The following APBB1IP variants were observed in gnomAD, a reference collection of about 807,000 sequenced individuals.
APBB1IP encodes the protein amyloid beta precursor protein binding family B member 1 interacting protein.
A neutral mutation model predicts 64.9 loss-of-function variants in APBB1IP; 27 were observed. The observed-to-expected ratio is 0.42, with a 90% CI of 0.31 to 0.57. APBB1IP has a LOEUF of 0.57. Among genes scored for constraint, APBB1IP ranks in the 20% least tolerant of loss-of-function variants. APBB1IP has a pLI of 0.20. For synonymous variants in APBB1IP, 392 were observed against 331.0 expected (o/e 1.18, Z -2.00); for missense variants, 812 against 845.5 (o/e 0.96, Z 0.49).
intron 2 of APBB1IP, among the ~76,000 whole-genome samples, chr10:26,449,807 G>A (rs1308557434): frequency 1.3e-5 from 2 of 152,002 alleles, no homozygotes; most frequent in Non-Finnish European, 2.9e-5. Flanking sequence ...CCCATGAGTT[G>A]GAGACCAGCT....
chr10:26,438,858 G>A lies in APBB1IP; in HGVS notation c.-1+5G>A, dbSNP rs1835308410. 1 of 152,294 alleles carries A rather than the reference G, an allele frequency of 6.6e-6. No individual in the cohort carries two copies. The highest frequency in any genetic ancestry group is 1.5e-5 in the Non-Finnish European group (1 of 68,106). The allele number at this position is 152,294 out of a possible 1,614,324, so 9.4% of individuals were successfully genotyped here. On this transcript the variant is annotated splice_donor_5th_base_variant and intron_variant, in intron 2 of 14. Transcript: ENST00000376236. The stretch of plus-strand genomic sequence containing the variant: ...GCGCCCCGCAGAGCAGTCGAGGTAA[G>A]TGGCGCTCCCAGTCCCGGGAGCCCT...
At chr10:26,559,198 GA>G (rs1836934555) in intron 11 of APBB1IP, among the ~76,000 whole-genome samples, 2 of 152,182 alleles carry the variant, frequency 1.3e-5, no homozygotes, top group African/African-American at 4.8e-5. Context: ...TGGGGATAGA[GA>G]CAAGATAGAG....
intron 6 of APBB1IP, among the ~76,000 whole-genome samples, chr10:26,506,180 C>T (rs1193494293): frequency 6.6e-6 from 1 of 150,558 alleles, no homozygotes; most frequent in East Asian, 2.0e-4. Flanking sequence ...CACATGCACA[C>T]ATCCCCAGTA....
At chr10:26,562,139 G>T (rs961493423) in intron 13 of APBB1IP, 187 bp from the exon 14 acceptor site, 5 of 503,570 alleles carry the variant, frequency 9.9e-6, no homozygotes, top group African/African-American at 5.9e-5. Flanking sequence ...TTAAGGTTTT[G>T]TGTACCATGC....
intron 8 of APBB1IP, among the ~76,000 whole-genome samples, chr10:26,522,597 A>G (rs953498685): frequency 9.9e-5 from 15 of 152,218 alleles, no homozygotes; most frequent in Non-Finnish European, 2.1e-4. Context: ...TTATGTTTAC[A>G]AATTGATGGG....
At chr10:26,565,321 GA>G (rs1837028101) in intron 14 of APBB1IP, among the ~76,000 whole-genome samples, 2 of 152,154 alleles carry the variant, frequency 1.3e-5, no homozygotes, top group African/African-American at 4.8e-5. Flanking sequence ...CTCAGACCAA[GA>G]AAAAATGTAT....
At chr10:26,512,648 C>T (rs963078448) in intron 7 of APBB1IP, among the ~76,000 whole-genome samples, 5 of 152,022 alleles carry the variant, frequency 3.3e-5, no homozygotes, top group East Asian at 1.9e-4. Flanking sequence ...GCTCTATCAC[C>T]GAAGCTACAG....
At chr10:26,458,077 A>G (rs1289304368) in intron 2 of APBB1IP, among the ~76,000 whole-genome samples, 1 of 152,138 alleles carries the variant, frequency 6.6e-6, no homozygotes, top group Non-Finnish European at 1.5e-5. Flanking sequence ...GGACTTAATG[A>G]ATGATTTCTT....
At chr10:26,514,038 AT>A (rs1174567111) in intron 8 of APBB1IP, among the ~76,000 whole-genome samples, 1 of 151,982 alleles carries the variant, frequency 6.6e-6, no homozygotes, top group Admixed American at 6.6e-5. Flanking sequence ...CCAGCCAAGG[AT>A]TTTTTTTAAT....
intron 11 of APBB1IP, among the ~76,000 whole-genome samples, chr10:26,550,032 T>C (rs1260992850): frequency 6.6e-6 from 1 of 152,014 alleles, no homozygotes; most frequent in Non-Finnish European, 1.5e-5. Flanking sequence ...CTTGGTTTTT[T>C]TTTTAATCTT....
At chr10:26,522,443 AT>A in intron 8 of APBB1IP, among the ~76,000 whole-genome samples, 1 of 152,228 alleles carries the variant, frequency 6.6e-6, no homozygotes. Context: ...TTTTTTCAAC[AT>A]TTGGGACATT....
At chr10:26,501,480 A>G (rs1836099251) in intron 5 of APBB1IP, 2 of 369,504 alleles carry the variant, frequency 5.4e-6, no homozygotes, top group Admixed American at 4.1e-5. Context: ...AGAGAATAGA[A>G]GGCATTCATT....
rs375021559 is a variant in APBB1IP, at chr10:26,541,589, G to A, written c.1052G>A (p.Arg351Gln). 5.6e-6 allele frequency: 9 copies of A among 1,607,854 alleles called. No individual in the cohort carries two copies. Among genetic ancestry groups the A allele is most frequent in the South Asian group, 1.1e-5 (1 of 89,342 alleles). The stretch of plus-strand genomic sequence containing the variant: ...TTTTTCCCTGTCTTTCAGACATCTC[G>A]AGATCTGGCGTGTTTTATACAGTTT... The part of the protein sequence containing the change: ...YVPKGKTKTS[R>Q]DLACFIQFEN... The change falls in exon 11 of 15, where the codon CGA becomes CAA. Residue 351 changes from arginine (R) to glutamine (Q), a missense_variant. Around this residue, in one of 3 missense-constraint regions of APBB1IP, gnomAD observed 394 missense variants for 413.1 expected, o/e 0.95. Coordinates refer to ENST00000376236, the MANE Select transcript of APBB1IP (RefSeq NM_019043.4).
chr10:26,567,573 T>C lies in APBB1IP; in HGVS notation c.*85T>C. On this transcript the variant is annotated 3_prime_UTR_variant, in exon 15 of 15. Transcript: ENST00000376236. Reference sequence around the variant, plus strand: ...GCTAGCAGATTGCCCTGACATCTTGTTCATTTCAGATAAAATGTGATGGGA... The same window carrying C: ...GCTAGCAGATTGCCCTGACATCTTGCTCATTTCAGATAAAATGTGATGGGA... 1 of 1,472,122 alleles carries C rather than the reference T, an allele frequency of 6.8e-7. No homozygotes were observed. Among genetic ancestry groups the C allele is most frequent in the Non-Finnish European group, 9.2e-7 (1 of 1,091,628 alleles). 91.2% of individuals were successfully genotyped at this position (1,472,122 alleles called of 1,614,324 possible).
chr10:26,517,999 G>A (rs1169351750), intron 8 of APBB1IP, among the ~76,000 whole-genome samples: 2 of 152,272 alleles, frequency 1.3e-5, no homozygotes, highest in East Asian at 1.9e-4. Flanking sequence ...CTGTCACCCA[G>A]GCTGGAATAC....
chr10:26,496,196 AAG>A, intron 3 of APBB1IP, 106 bp from the exon 4 acceptor site: 1 of 793,542 alleles, frequency 1.3e-6, no homozygotes, highest in Non-Finnish European at 2.1e-6. Context: ...AGAACACACT[AAG>A]GGAGAAAATG....
At chr10:26,557,389 G>A (rs1273085085) in intron 11 of APBB1IP, among the ~76,000 whole-genome samples, 1 of 152,168 alleles carries the variant, frequency 6.6e-6, no homozygotes, top group Middle Eastern at 3.2e-3. Context: ...ACCGTTCTTC[G>A]AGCAATGGAG....
At position 26,533,875 on chromosome 10, in the gene APBB1IP, C is replaced by T. The variant is rs146703558; in HGVS notation, c.900+350C>T. On this transcript the variant is annotated intron_variant, in intron 9 of 14. Transcript: ENST00000376236. ...AGGGACCTCTAAGATGCTCTCTCAA[C>T]ATTTTAGACGTGGTAGGAAGTGTGA... 3.3e-5 allele frequency among the ~76,000 whole-genome samples: 5 copies of T among 152,090 alleles called. No homozygotes were observed. In the East Asian group the frequency reaches 9.7e-4, roughly 29 times the overall value.
rs542361013 is a variant in APBB1IP at position 26,552,466 on chromosome 10, G to T, written c.1156-7639G>T. Among the ~76,000 whole-genome samples, 4 of 152,094 alleles carry T rather than the reference G, an allele frequency of 2.6e-5. No homozygotes were observed. In the East Asian group the frequency reaches 5.8e-4, roughly 22 times the overall value. ...ATTTAAAAATCAGCCTGGTGTGGTG[G>T]TGCACACCTGTAGTCCCAGCTACTC... On this transcript the variant is annotated intron_variant, in intron 11 of 14. Coordinates refer to ENST00000376236, the MANE Select transcript of APBB1IP (RefSeq NM_019043.4).
Sources: gnomAD v4.1 joint callset for allele counts (sites outside exome capture counted in the v4.1 genomes callset) on GRCh38, gnomAD v4.1.1 for gene constraint, gnomAD v4.1.1 regional missense constraint, MANE v1.5 for transcripts, NCBI Gene and HGNC (gene_info 2026-07-23, HGNC 2026-07-21) for gene names.